Variants in RASAL2 observed in about 807,000 individuals in gnomAD.
The protein encoded by RASAL2 is ras GTPase-activating protein nGAP.
A neutral mutation model predicts 128.9 loss-of-function variants in RASAL2; 58 were observed. That is an observed-to-expected ratio of 0.45 (90% CI 0.36 to 0.56). The LOEUF (loss-of-function observed/expected upper bound fraction) is 0.56. Ranked by LOEUF, RASAL2 falls within the 20% of genes least tolerant of loss-of-function variation. The pLI is 0.00. For synonymous variants in RASAL2, 561 were observed against 580.8 expected (o/e 0.97, Z 0.49); for missense variants, 1,360 against 1,601.6 (o/e 0.85, Z 2.57).
intron 3 of RASAL2, among the ~76,000 whole-genome samples, chr1:178,310,271 G>T (rs991399823): frequency 3.3e-5 from 5 of 152,136 alleles, no homozygotes; most frequent in Admixed American, 1.3e-4. Flanking sequence ...TAAATCAATT[G>T]CAGTAGAACA....
chr1:178,140,963 C>T (rs910166364), intron 1 of RASAL2, among the ~76,000 whole-genome samples: 6 of 152,122 alleles, frequency 3.9e-5, no homozygotes, highest in Admixed American at 2.6e-4. Context: ...CCTCAGGAAG[C>T]GGAAGGCAGA....
chr1:178,393,467 C>T (rs930590031), intron 4 of RASAL2, among the ~76,000 whole-genome samples: 3 of 152,106 alleles, frequency 2.0e-5, no homozygotes, highest in African/African-American at 4.8e-5. Flanking sequence ...CTAATGCCAC[C>T]GCTGATCTGA....
intron 1 of RASAL2, among the ~76,000 whole-genome samples, chr1:178,135,494 C>CGT (rs1553253107): frequency 4.7e-5 from 1 of 21,204 alleles, no homozygotes; most frequent in African/African-American, 1.6e-4. Context: ...CTTGTCTCTT[C>CGT]ATAAAAAAAA....
chr1:178,337,293 G>A (rs553670746), intron 3 of RASAL2, among the ~76,000 whole-genome samples: 3 of 152,288 alleles, frequency 2.0e-5, no homozygotes, highest in Admixed American at 6.5e-5. Flanking sequence ...GAGAGCAGAA[G>A]TATGTATGTA....
intron 1 of RASAL2, among the ~76,000 whole-genome samples, chr1:178,112,051 A>AT (rs530031437): frequency 2.0e-5 from 3 of 151,720 alleles, no homozygotes; most frequent in Non-Finnish European, 2.9e-5. Context: ...TTTAAAATTG[A>AT]TTTTTTCTTA....
At position 178,124,952 on chromosome 1, in the gene RASAL2, A is replaced by G. The variant is rs148470528; in HGVS notation, c.202+30258A>G. On this transcript the variant is annotated intron_variant, in intron 1 of 17. Transcript: ENST00000367649. ...TTTCTTTTCTATTAATTCAGCATCAAAGAAGTGTTATAGTGAGGTAAAAAA... is the reference window on the plus strand; with the variant it reads ...TTTCTTTTCTATTAATTCAGCATCAGAGAAGTGTTATAGTGAGGTAAAAAA... Among the ~76,000 whole-genome samples, 465 of 152,314 alleles carry G rather than the reference A, an allele frequency of 3.1e-3. 1 individual carries two copies. The highest frequency in any genetic ancestry group is 4.5e-3 in the Non-Finnish European group (303 of 68,026).
At chr1:178,401,985 T>G (rs1247974446) in intron 4 of RASAL2, among the ~76,000 whole-genome samples, 1 of 152,210 alleles carries the variant, frequency 6.6e-6, no homozygotes, top group African/African-American at 2.4e-5. Context: ...AACTGTATTT[T>G]TTACCGTTCT....
At chr1:178,355,205 TAGG>T (rs540608054) in intron 3 of RASAL2, among the ~76,000 whole-genome samples, 220 of 152,320 alleles carry the variant, frequency 1.4e-3, no homozygotes, top group Non-Finnish European at 2.4e-3. Context: ...AAACCTAATT[TAGG>T]AGGACTTGCT....
At chr1:178,383,852 C>T (rs773377610) in intron 3 of RASAL2, among the ~76,000 whole-genome samples, 1 of 152,132 alleles carries the variant, frequency 6.6e-6, no homozygotes, top group Non-Finnish European at 1.5e-5. Flanking sequence ...TCATTATTTA[C>T]AAAATGCAAG....
At chr1:178,281,636 GGC>G (rs889073941) in intron 1 of RASAL2, among the ~76,000 whole-genome samples, 1 of 152,078 alleles carries the variant, frequency 6.6e-6, no homozygotes, top group Non-Finnish European at 1.5e-5. Context: ...GGTCACCCAT[GGC>G]TAACTTATAT....
chr1:178,230,718 A>T (rs673372), intron 1 of RASAL2, among the ~76,000 whole-genome samples: 1 of 152,208 alleles, frequency 6.6e-6, no homozygotes, highest in South Asian at 2.1e-4. Flanking sequence ...CTTTAGAGCA[A>T]CAATGAAAAG....
At chr1:178,331,194 T>A (rs941675740) in intron 3 of RASAL2, among the ~76,000 whole-genome samples, 1 of 152,186 alleles carries the variant, frequency 6.6e-6, no homozygotes, top group African/African-American at 2.4e-5. Context: ...TATTTTTGTT[T>A]TTTAAGACGG....
intron 1 of RASAL2, among the ~76,000 whole-genome samples, chr1:178,154,935 TG>T (rs1308952246): frequency 2.0e-5 from 3 of 152,202 alleles, no homozygotes; most frequent in Non-Finnish European, 4.4e-5. Flanking sequence ...GCGATTCTCC[TG>T]CCTCAACCTC....
chr1:178,215,304 G>A (rs1394403725), intron 1 of RASAL2, among the ~76,000 whole-genome samples: 1 of 152,186 alleles, frequency 6.6e-6, no homozygotes, highest in African/African-American at 2.4e-5. Flanking sequence ...AGGGAACATG[G>A]GTGGAACTGA....
intron 1 of RASAL2, among the ~76,000 whole-genome samples, chr1:178,239,105 T>A (rs1043474380): frequency 6.6e-6 from 1 of 152,138 alleles, no homozygotes; most frequent in Admixed American, 6.5e-5. Context: ...GATGATTACT[T>A]ATTCACCTTT....
rs1000498577 is a variant in RASAL2 at position 178,253,276 on chromosome 1, A to G, written c.203-30288A>G. Among the ~76,000 whole-genome samples the G allele has an allele frequency of 2.0e-5, 3 of 152,136 alleles. 1 individual carries two copies. The highest frequency in any genetic ancestry group is 4.4e-5 in the Non-Finnish European group (3 of 68,038). On this transcript the variant is annotated intron_variant, in intron 1 of 17. Coordinates refer to ENST00000367649, the MANE Select transcript of RASAL2 (RefSeq NM_170692.4). ...TTTTATTATAATGATTTGGGTGATT[A>G]GATTTCAGACTCACCGTACTCCAAT...
intron 3 of RASAL2, among the ~76,000 whole-genome samples, chr1:178,367,264 C>A (rs1332660231): frequency 6.6e-6 from 1 of 152,016 alleles, no homozygotes; most frequent in African/African-American, 2.4e-5. Context: ...GCTGTTCTTG[C>A]CTCTAGTCTT....
chr1:178,131,008 A>G (rs1385059090), intron 1 of RASAL2, among the ~76,000 whole-genome samples: 1 of 55,020 alleles, frequency 1.8e-5, no homozygotes, highest in African/African-American at 5.2e-5. Flanking sequence ...GAGCCGAGAT[A>G]GCACCACTGC....
chr1:178,246,799 G>T (rs1664786740), intron 1 of RASAL2, among the ~76,000 whole-genome samples: 1 of 151,730 alleles, frequency 6.6e-6, no homozygotes, highest in Non-Finnish European at 1.5e-5. Context: ...TTTATCAAAA[G>T]CTTTTTCTGC....
Sources: allele counts gnomAD v4.1 joint callset (sites outside exome capture counted in the v4.1 genomes callset), GRCh38; gene constraint gnomAD v4.1.1; transcripts MANE v1.5; gene names NCBI Gene and HGNC (gene_info 2026-07-23, HGNC 2026-07-21).